Variants in MED13L observed in about 807,000 individuals in gnomAD.
MED13L encodes mediator of RNA polymerase II transcription subunit 13-like.
Under a neutral mutation model 220.9 loss-of-function variants are expected in MED13L, and 7 were observed. The ratio of observed to expected loss-of-function variants is 0.03; its 90% confidence interval spans 0.02 to 0.06. The LOEUF (loss-of-function observed/expected upper bound fraction) is 0.06, where lower values mean the gene tolerates loss of function less well. MED13L is among the 10% of genes least tolerant of loss of function. The probability of loss-of-function intolerance (pLI) is 1.00; values close to 1 mark genes in which losing one functional copy is unlikely to be tolerated. For missense variants in MED13L, 1,965 were observed against 2,760.5 expected, an observed-to-expected ratio of 0.71 and a Z score of 6.46; for synonymous variants, 1,011 against 1,015.2, an observed-to-expected ratio of 1.00 and a Z score of 0.08.
chr12:116,091,107 C>T (rs1469727734), intron 4 of MED13L, among the ~76,000 whole-genome samples: 4 of 114,216 alleles, frequency 3.5e-5, no homozygotes, highest in Admixed American at 1.2e-4. Context: ...GGTGACAGAG[C>T]GGAACTCTGT....
chr12:116,253,663 C>A (rs1871768235), intron 1 of MED13L, among the ~76,000 whole-genome samples: 1 of 151,262 alleles, frequency 6.6e-6, no homozygotes, highest in Non-Finnish European at 1.5e-5. Context: ...GTATAATTCA[C>A]CATATTAAAA....
chr12:116,261,379 C>A (rs1872505232), intron 1 of MED13L, among the ~76,000 whole-genome samples: 1 of 151,846 alleles, frequency 6.6e-6, no homozygotes, highest in Non-Finnish European at 1.5e-5. Flanking sequence ...TGCCTGTAGT[C>A]CCAGCTACTC....
chr12:115,999,988 A>T (rs2137344733), intron 14 of MED13L, among the ~76,000 whole-genome samples: 1 of 152,338 alleles, frequency 6.6e-6, no homozygotes, highest in Middle Eastern at 3.4e-3. Context: ...AATCCGTAAA[A>T]TGGGAAAAAT....
intron 1 of MED13L, among the ~76,000 whole-genome samples, chr12:116,265,019 G>A (rs1484116121): frequency 6.6e-6 from 1 of 152,248 alleles, no homozygotes; most frequent in East Asian, 1.9e-4. Flanking sequence ...ACTGAAAAGT[G>A]TCTGTACTGG....
At chr12:116,226,607 GC>G (rs1364116031) in intron 2 of MED13L, among the ~76,000 whole-genome samples, 6 of 152,156 alleles carry the variant, frequency 3.9e-5, no homozygotes, top group African/African-American at 1.4e-4. Flanking sequence ...GGCGGCTCAC[GC>G]CTATAATCCC....
chr12:116,154,081 T>C (rs959675029), intron 2 of MED13L, among the ~76,000 whole-genome samples: 5 of 152,206 alleles, frequency 3.3e-5, no homozygotes, highest in Admixed American at 2.6e-4. Flanking sequence ...TACTGAATTT[T>C]CTATGAGTGA....
intron 2 of MED13L, among the ~76,000 whole-genome samples, chr12:116,211,932 A>G (rs1405056980): frequency 6.6e-6 from 1 of 152,162 alleles, no homozygotes; most frequent in Non-Finnish European, 1.5e-5. Context: ...GAGAGTAGGC[A>G]TATAGTACTG....
rs371839673 is a variant in MED13L, at chr12:115,975,594, G to T, written c.5509C>A (p.Arg1837Ser). The stretch of plus-strand genomic sequence containing the variant: ...TCAGTGCAGGAAGCCAAAAGCCAGC[G>T]CTGGTCGTGAGACAGACAATAGCCC... Reference protein sequence around the residue: ...FVGYCLSHDQRWLLASCTDLH... With the variant: ...FVGYCLSHDQSWLLASCTDLH... The change falls in exon 24 of 31, where the codon CGC (arginine) becomes AGC (serine). Residue 1837 changes from arginine (R) to serine (S), a missense_variant. Arg to Ser is a moderately radical substitution (Grantham distance 110). Transcript: ENST00000281928. 1 of 1,614,092 alleles carries T rather than the reference G, an allele frequency of 6.2e-7. No individual in the cohort carries two copies. The highest frequency in any genetic ancestry group is 1.1e-5 in the South Asian group (1 of 91,076).
chr12:116,136,614 T>A (rs1876578014), intron 2 of MED13L, among the ~76,000 whole-genome samples: 1 of 152,214 alleles, frequency 6.6e-6, no homozygotes, highest in African/African-American at 2.4e-5. Context: ...TTAAACAGAT[T>A]TGTTTCTAAG....
At position 116,183,803 on chromosome 12, in the gene MED13L, G is replaced by GGTGTGTGTGTGT. The variant is rs66691805; in HGVS notation, c.310+53653_310+53664dup. On this transcript the variant is annotated intron_variant, in intron 2 of 30. Transcript: ENST00000281928. ...TCATAAATTCTTGTGTAGAAAAAAT[G>GGTGTGTGTGTGT]GTGTGTGTGTGTGTGTATGTGTGTG... 8.8e-3 allele frequency among the ~76,000 whole-genome samples: 966 copies of GGTGTGTGTGTGT among 110,138 alleles called. 9 individuals carry two copies. Among genetic ancestry groups the GGTGTGTGTGTGT allele is most frequent in the East Asian group, 0.017 (70 of 4,108 alleles). The allele number at this position is 110,138 out of a possible 152,430, so 72.3% of individuals were successfully genotyped here. A position where few individuals can be genotyped will look rare whatever the true frequency, so the allele number is the denominator to read the frequency against.
intron 1 of MED13L, 113 bp downstream of exon 1, chr12:116,276,947 C>T (rs540716013): frequency 2.5e-6 from 3 of 1,200,372 alleles, no homozygotes; most frequent in South Asian, 1.3e-5. Flanking sequence ...GGCGGGGAGA[C>T]GCGAGGGAGG....
intron 4 of MED13L, among the ~76,000 whole-genome samples, chr12:116,066,814 G>A (rs1050982966): frequency 3.3e-5 from 5 of 149,928 alleles, no homozygotes; most frequent in Non-Finnish European, 7.4e-5. Context: ...GCTACCAACA[G>A]AGGGCGAAAG....
rs115036142 is a variant in MED13L at position 116,039,893 on chromosome 12, T to C, written c.480-17292A>G. ...GAGGTCGGGGCGAGATACCACCATTTTGGAGATATCCCTTACAGATGGTAT... is the reference window on the plus strand; with the variant it reads ...GAGGTCGGGGCGAGATACCACCATTCTGGAGATATCCCTTACAGATGGTAT... On this transcript the variant is annotated intron_variant, in intron 4 of 30. Coordinates refer to ENST00000281928, the MANE Select transcript of MED13L (RefSeq NM_015335.5). 9.7e-3 allele frequency among the ~76,000 whole-genome samples: 1,482 copies of C among 152,122 alleles called. 25 individuals are homozygous for C. The highest frequency in any genetic ancestry group is 0.035 in the African/African-American group (1,432 of 41,478).
chr12:116,189,935 G>T (rs985221097), intron 2 of MED13L, among the ~76,000 whole-genome samples: 1 of 151,938 alleles, frequency 6.6e-6, no homozygotes, highest in Non-Finnish European at 1.5e-5. Flanking sequence ...ATGTTTTTTT[G>T]GGGGGAGGGG....
intron 28 of MED13L, among the ~76,000 whole-genome samples, chr12:115,967,291 T>G (rs984815576): frequency 6.6e-6 from 1 of 152,088 alleles, no homozygotes; most frequent in Admixed American, 6.6e-5. Flanking sequence ...ACTGCCACTT[T>G]GAACGCATTC....
chr12:116,059,139 C>T (rs1198758610), intron 4 of MED13L, among the ~76,000 whole-genome samples: 1 of 152,210 alleles, frequency 6.6e-6, no homozygotes, highest in Admixed American at 6.5e-5. Flanking sequence ...GCGATCATGG[C>T]TCACTGCAGC....
At chr12:115,990,913 G>T in intron 17 of MED13L, 107 bp downstream of exon 17, 1 of 1,215,580 alleles carries the variant, frequency 8.2e-7, no homozygotes, top group Non-Finnish European at 1.2e-6. Flanking sequence ...TTTTTCCCCC[G>T]AAAGACATGA....
chr12:116,267,213 G>GC (rs1872898788), intron 1 of MED13L, among the ~76,000 whole-genome samples: 1 of 152,084 alleles, frequency 6.6e-6, no homozygotes, highest in African/African-American at 2.4e-5. Context: ...ATCACCCAGC[G>GC]CATTAAAGGC....
chr12:116,256,000 TAGATA>T (rs1872009577), intron 1 of MED13L, among the ~76,000 whole-genome samples: 1 of 152,194 alleles, frequency 6.6e-6, no homozygotes, highest in Non-Finnish European at 1.5e-5. Context: ...CCAAGCATTT[TAGATA>T]AAAGATTCAC....
Sources: gnomAD v4.1 joint callset for allele counts (sites outside exome capture counted in the v4.1 genomes callset) on GRCh38, gnomAD v4.1.1 for gene constraint, MANE v1.5 for transcripts, NCBI Gene and HGNC (gene_info 2026-07-23, HGNC 2026-07-21) for gene names.